PHF3: variants seen among roughly 807,000 people sequenced by gnomAD.
PHF3 encodes the protein PHD finger protein 3.
Under a neutral mutation model 178.4 loss-of-function variants are expected in PHF3, and 41 were observed. That is an observed-to-expected ratio of 0.23 (90% CI 0.18 to 0.30). The LOEUF (loss-of-function observed/expected upper bound fraction) is 0.30, where lower values mean the gene tolerates loss of function less well. PHF3 is among the 10% of genes least tolerant of loss of function. The probability of loss-of-function intolerance (pLI) is 1.00; values close to 1 mark genes in which losing one functional copy is unlikely to be tolerated. For missense variants in PHF3, 2,346 were observed against 2,398.1 expected (o/e 0.98, Z 0.45); for synonymous variants, 842 against 800.5 (o/e 1.05, Z -0.88).
rs1251000719 is a variant in PHF3, at chr6:63,635,817, C to G, written c.-359C>G. Reference sequence around the variant, plus strand: ...AACGGTAAACAGTGGGGTCACGTGACACGGCCCCTCTCCAGCTCCCGCGCC... The same window carrying G: ...AACGGTAAACAGTGGGGTCACGTGAGACGGCCCCTCTCCAGCTCCCGCGCC... On this transcript the variant is annotated 5_prime_UTR_variant, in exon 1 of 16. Transcript: ENST00000262043. 7.6e-6 allele frequency: 3 copies of G among 394,696 alleles called. No homozygotes were observed. Among genetic ancestry groups the G allele is most frequent in the Non-Finnish European group, 8.9e-6 (2 of 223,640 alleles). The allele number at this position is 394,696 out of a possible 1,614,324, so 24.4% of individuals were successfully genotyped here. A position where few individuals can be genotyped will look rare whatever the true frequency, so the allele number is the denominator to read the frequency against.
At chr6:63,638,961 A>G (rs1326336539) in intron 1 of PHF3, among the ~76,000 whole-genome samples, 5 of 152,142 alleles carry the variant, frequency 3.3e-5, no homozygotes, top group Non-Finnish European at 5.9e-5. Flanking sequence ...GGCTGTTTCT[A>G]TTCTCAGTAA....
At chr6:63,677,645 A>G (rs1276498524) in intron 2 of PHF3, among the ~76,000 whole-genome samples, 2 of 151,996 alleles carry the variant, frequency 1.3e-5, no homozygotes, top group African/African-American at 4.8e-5. Flanking sequence ...TCTATTTTGG[A>G]TGGTTCTTTT....
At chr6:63,691,025 AG>A (rs1320411126) in intron 4 of PHF3, among the ~76,000 whole-genome samples, 1 of 152,190 alleles carries the variant, frequency 6.6e-6, no homozygotes, top group Non-Finnish European at 1.5e-5. Flanking sequence ...ATGTTAAGAT[AG>A]AATAGTGATC....
At chr6:63,669,947 T>G (rs1307900976) in intron 2 of PHF3, among the ~76,000 whole-genome samples, 2 of 152,210 alleles carry the variant, frequency 1.3e-5, no homozygotes, top group Non-Finnish European at 2.9e-5. Context: ...AATTCTCTTA[T>G]GTGTTCCAAA....
rs1274801378 is a variant in PHF3 at position 63,636,017 on chromosome 6, G to A, written c.-159G>A. 1 of 397,308 alleles carries A rather than the reference G, an allele frequency of 2.5e-6. No homozygotes were observed. Among genetic ancestry groups the A allele is most frequent in the African/African-American group, 2.1e-5 (1 of 48,694 alleles). The allele number at this position is 397,308 out of a possible 1,614,324, so 24.6% of individuals were successfully genotyped here. A position where few individuals can be genotyped will look rare whatever the true frequency, so the allele number is the denominator to read the frequency against. ...GGTCCCAGGAGGAAAAGAGGCTGTG[G>A]CAGCGACGCCGACGTCCTGCGCGTA... On this transcript the variant is annotated 5_prime_UTR_variant, in exon 1 of 16. Transcript: ENST00000262043.
At chr6:63,694,543 T>C (rs761681035) in intron 5 of PHF3, 38 bp from the exon 6 acceptor site, 10 of 1,338,540 alleles carry the variant, frequency 7.5e-6, no homozygotes, top group Non-Finnish European at 8.9e-6. Flanking sequence ...GATTGTTTAG[T>C]TATTTTCATT....
At chr6:63,641,418 C>A (rs1307010830) in intron 1 of PHF3, among the ~76,000 whole-genome samples, 2 of 152,170 alleles carry the variant, frequency 1.3e-5, no homozygotes, top group East Asian at 3.9e-4. Flanking sequence ...ACACCACCCC[C>A]CTACACACAC....
Position 63,720,863 on chromosome 6 carries a change from GAT to G in PHF3, c.*7157_*7158del, listed in dbSNP as rs1165454778. ...TTAGACTGTTATTTATGTAGGCCTT[GAT>G]AAGAGTCTGATTTTGAATTACAACT... On this transcript the variant is annotated 3_prime_UTR_variant, in exon 16 of 16. Transcript: ENST00000262043. 2.6e-6 allele frequency: 4 copies of G among 1,550,914 alleles called. No individual in the cohort carries two copies. The highest frequency in any genetic ancestry group is 1.4e-5 in the African/African-American group (1 of 72,998).
intron 8 of PHF3, among the ~76,000 whole-genome samples, chr6:63,699,885 G>A (rs568775581): frequency 2.0e-5 from 3 of 152,066 alleles, no homozygotes; most frequent in Non-Finnish European, 2.9e-5. Context: ...TGCGGCACCC[G>A]GCCTCCCTCA....
intron 1 of PHF3, among the ~76,000 whole-genome samples, chr6:63,642,695 A>G (rs59437553): frequency 0.039 from 5,889 of 152,258 alleles, 393 homozygotes; most frequent in African/African-American, 0.13. Context: ...ATTATTTAGA[A>G]TGCCAGTAGA....
intron 14 of PHF3, 49 bp from the exon 15 acceptor site, chr6:63,711,118 A>G: frequency 2.2e-6 from 3 of 1,334,934 alleles, no homozygotes; most frequent in Non-Finnish European, 3.1e-6. Context: ...AAACCAAGCT[A>G]CTCTTTAGCT....
rs1401633920 is a variant in PHF3 at position 63,713,278 on chromosome 6, A to G, written c.5690A>G (p.His1897Arg). Residue 1897 changes from histidine (H) to arginine (R), a missense_variant, in exon 16 of 16, where the codon CAT becomes CGT. Transcript: ENST00000262043. Reference sequence around the variant, plus strand: ...GACATTCGGAGGCCAGAAAGGCGCCATAGTGACCCTTGGGGTAGGCAAGAC... The same window carrying G: ...GACATTCGGAGGCCAGAAAGGCGCCGTAGTGACCCTTGGGGTAGGCAAGAC... ...VKDIRRPERR[H>R]SDPWGRQDQQ... 25 of 1,613,972 alleles carry G rather than the reference A, an allele frequency of 1.5e-5. No homozygotes were observed. The highest frequency in any genetic ancestry group is 2.0e-5 in the Non-Finnish European group (24 of 1,179,994).
intron 4 of PHF3, 109 bp downstream of exon 4, chr6:63,686,020 A>T (rs1478724938): frequency 5.6e-6 from 4 of 708,520 alleles, no homozygotes; most frequent in East Asian, 5.3e-5. Context: ...ATACACAGAG[A>T]CCTGTGCAAA....
chr6:63,652,992 A>T (rs544490217), intron 2 of PHF3, among the ~76,000 whole-genome samples: 131 of 113,102 alleles, frequency 1.2e-3, no homozygotes, highest in African/African-American at 4.2e-3. Flanking sequence ...TATTATTATT[A>T]TTTTTTGCTC....
chr6:63,667,852 C>T (rs984588405), intron 2 of PHF3, among the ~76,000 whole-genome samples: 6 of 152,116 alleles, frequency 3.9e-5, no homozygotes, highest in African/African-American at 9.7e-5. Flanking sequence ...ATTTGGCATT[C>T]GGAAAACTTC....
chr6:63,685,423 T>G lies in PHF3; in HGVS notation c.1701T>G (p.Ser567=). The change falls in exon 4 of 16, where the codon TCT becomes TCG. Residue 567 remains serine (S), a synonymous_variant. Coordinates refer to ENST00000262043, the MANE Select transcript of PHF3 (RefSeq NM_001370348.2). The stretch of plus-strand genomic sequence containing the variant: ...AGAGTTGCAATTCTGGGGTTAAATC[T>G]GTGAAAAACCAAGCTCATTCTGTAC... ...KIQSCNSGVK[S]VKNQAHSVLK... The G allele has an allele frequency of 6.2e-7, 1 of 1,614,056 alleles. No homozygotes were observed. The highest frequency in any genetic ancestry group is 8.5e-7 in the Non-Finnish European group (1 of 1,179,986).
intron 6 of PHF3, among the ~76,000 whole-genome samples, chr6:63,696,488 T>C (rs1190250370): frequency 1.3e-5 from 2 of 152,088 alleles, no homozygotes; most frequent in African/African-American, 2.4e-5. Context: ...CCAGCTAATT[T>C]TTTGATTTTT....
At chr6:63,689,719 TCACG>T (rs1442973327) in intron 4 of PHF3, among the ~76,000 whole-genome samples, 2 of 152,190 alleles carry the variant, frequency 1.3e-5, no homozygotes, top group African/African-American at 4.8e-5. Flanking sequence ...TTGATAAATT[TCACG>T]ATCATCAAAC....
At chr6:63,647,233 C>T (rs956834132) in intron 2 of PHF3, among the ~76,000 whole-genome samples, 5 of 152,028 alleles carry the variant, frequency 3.3e-5, no homozygotes, top group Admixed American at 1.3e-4. Context: ...GCATACCTCC[C>T]AGCCCCTGAA....
Sources: gnomAD v4.1 joint callset for allele counts (sites outside exome capture counted in the v4.1 genomes callset) on GRCh38, gnomAD v4.1.1 for gene constraint, MANE v1.5 for transcripts, NCBI Gene and HGNC (gene_info 2026-07-23, HGNC 2026-07-21) for gene names.